PLCB1: variants seen among roughly 807,000 people sequenced by gnomAD.
PLCB1 encodes the protein phospholipase C beta 1.
A neutral mutation model predicts 161.8 loss-of-function variants in PLCB1; 46 were observed. The observed-to-expected ratio is 0.28, with a 90% CI of 0.22 to 0.36. The LOEUF is 0.36. PLCB1 is among the 10% of genes least tolerant of loss of function. PLCB1 has a pLI of 1.00. For missense variants in PLCB1, 1,016 were observed against 1,472.5 expected, an observed-to-expected ratio of 0.69 and a Z score of 5.07; for synonymous variants, 517 against 503.7, an observed-to-expected ratio of 1.03 and a Z score of -0.35.
chr20:8,637,929 T>C (rs1041441225), intron 4 of PLCB1, among the ~76,000 whole-genome samples: 2 of 152,252 alleles, frequency 1.3e-5, no homozygotes, highest in Non-Finnish European at 1.5e-5. Flanking sequence ...AGTCTCGCTC[T>C]GTCGCCCAGG....
chr20:8,287,388 G>C, intron 2 of PLCB1, among the ~76,000 whole-genome samples: 2 of 152,224 alleles, frequency 1.3e-5, no homozygotes, highest in Admixed American at 1.3e-4. Flanking sequence ...ATAAAGAAGA[G>C]GATAAGATGT....
At chr20:8,193,180 G>A (rs2051987833) in intron 2 of PLCB1, among the ~76,000 whole-genome samples, 1 of 151,888 alleles carries the variant, frequency 6.6e-6, no homozygotes, top group African/African-American at 2.4e-5. Context: ...TGGTGGGAGT[G>A]TAAATCATTA....
At chr20:8,425,093 GGTTGCTTTT>G (rs1265221399) in intron 3 of PLCB1, among the ~76,000 whole-genome samples, 4 of 150,028 alleles carry the variant, frequency 2.7e-5, no homozygotes, top group Non-Finnish European at 4.4e-5. Context: ...ACATCTGATT[GGTTGCTTTT>G]TGCAACCAAT....
intron 3 of PLCB1, among the ~76,000 whole-genome samples, chr20:8,457,361 A>G (rs1222273013): frequency 6.6e-6 from 1 of 152,132 alleles, no homozygotes; most frequent in African/African-American, 2.4e-5. Flanking sequence ...AGTGACTCTC[A>G]GTTCATTGCT....
chr20:8,419,712 T>A (rs1979456602), intron 3 of PLCB1, among the ~76,000 whole-genome samples: 1 of 152,126 alleles, frequency 6.6e-6, no homozygotes, highest in South Asian at 2.1e-4. Context: ...TTACAATGGG[T>A]TTATCGGAAC....
chr20:8,205,998 C>G (rs1978507095), intron 2 of PLCB1, among the ~76,000 whole-genome samples: 1 of 150,728 alleles, frequency 6.6e-6, no homozygotes, highest in Non-Finnish European at 1.5e-5. Flanking sequence ...TTATTTTTTC[C>G]AATAAAAACT....
chr20:8,799,149 C>G (rs932212346), intron 31 of PLCB1, among the ~76,000 whole-genome samples: 1 of 152,166 alleles, frequency 6.6e-6, no homozygotes, highest in Non-Finnish European at 1.5e-5. Flanking sequence ...TTCTTTCCCC[C>G]TCCTTTGTCC....
intron 3 of PLCB1, among the ~76,000 whole-genome samples, chr20:8,374,708 C>T (rs1441434962): frequency 6.6e-6 from 1 of 151,978 alleles, no homozygotes; most frequent in African/African-American, 2.4e-5. Context: ...ATAAAGATAC[C>T]AGGATAAAGT....
intron 9 of PLCB1, among the ~76,000 whole-genome samples, chr20:8,674,444 G>A (rs1325129302): frequency 6.6e-6 from 1 of 152,186 alleles, no homozygotes; most frequent in African/African-American, 2.4e-5. Flanking sequence ...ATCAGAGAGG[G>A]AATCTGGTCC....
intron 3 of PLCB1, among the ~76,000 whole-genome samples, chr20:8,472,602 G>A (rs2122719495): frequency 6.6e-6 from 1 of 152,170 alleles, no homozygotes; most frequent in South Asian, 2.1e-4. Context: ...CCAGCTACTG[G>A]GGAGGCTGAG....
intron 31 of PLCB1, among the ~76,000 whole-genome samples, chr20:8,824,214 C>T (rs952716517): frequency 6.6e-6 from 1 of 152,054 alleles, no homozygotes; most frequent in East Asian, 1.9e-4. Context: ...TAGAGTGGTC[C>T]GGCTCTGTCC....
intron 3 of PLCB1, among the ~76,000 whole-genome samples, chr20:8,409,084 A>G (rs1457303154): frequency 6.6e-6 from 1 of 152,232 alleles, no homozygotes; most frequent in Non-Finnish European, 1.5e-5. Context: ...GAGAGACCAC[A>G]TCCACATTCA....
intron 3 of PLCB1, among the ~76,000 whole-genome samples, chr20:8,486,803 AT>A (rs1476649445): frequency 6.6e-6 from 1 of 151,974 alleles, no homozygotes; most frequent in African/African-American, 2.4e-5. Context: ...CCTCCAAAAT[AT>A]TTTCTTAAGG....
intron 3 of PLCB1, among the ~76,000 whole-genome samples, chr20:8,420,207 A>G (rs1396387521): frequency 6.6e-6 from 1 of 152,138 alleles, no homozygotes; most frequent in Non-Finnish European, 1.5e-5. Flanking sequence ...GATCTAGATG[A>G]GACAATCAGG....
chr20:8,717,474 AG>A (rs1979383592), intron 13 of PLCB1, among the ~76,000 whole-genome samples, 196 bp from the exon 14 acceptor site: 2 of 152,194 alleles, frequency 1.3e-5, no homozygotes, highest in African/African-American at 4.8e-5. Flanking sequence ...TGAAAAAAAA[AG>A]TATAGTAATG....
chr20:8,477,661 A>C (rs1158066811), intron 3 of PLCB1, among the ~76,000 whole-genome samples: 1 of 152,172 alleles, frequency 6.6e-6, no homozygotes, highest in African/African-American at 2.4e-5. Context: ...CAGAAGGCGA[A>C]TAGGGAGCAG....
At chr20:8,851,594 T>C (rs111933672) in intron 31 of PLCB1, among the ~76,000 whole-genome samples, 2,443 of 152,314 alleles carry the variant, frequency 0.016, 63 homozygotes, top group African/African-American at 0.056. Context: ...TCCAAGGCTA[T>C]CTAGATGGCC....
At chr20:8,557,345 C>A (rs1451010012) in intron 3 of PLCB1, among the ~76,000 whole-genome samples, 2 of 151,996 alleles carry the variant, frequency 1.3e-5, no homozygotes, top group African/African-American at 4.8e-5. Context: ...TATATACTTA[C>A]AATGGAATAT....
chr20:8,705,473 G>T (rs1978619049), intron 11 of PLCB1, among the ~76,000 whole-genome samples: 1 of 152,128 alleles, frequency 6.6e-6, no homozygotes, highest in Non-Finnish European at 1.5e-5. Flanking sequence ...GTCTAGTGAG[G>T]AAAGATAGAT....
Sources: allele counts gnomAD v4.1 joint callset (sites outside exome capture counted in the v4.1 genomes callset), GRCh38; gene constraint gnomAD v4.1.1; transcripts MANE v1.5; gene names NCBI Gene and HGNC (gene_info 2026-07-23, HGNC 2026-07-21).